The following NOSTRIN variants were observed in gnomAD, a reference collection of about 807,000 sequenced individuals.
NOSTRIN encodes BM247 homolog.
Under a neutral mutation model 59.0 loss-of-function variants are expected in NOSTRIN, and 63 were observed. The ratio of observed to expected loss-of-function variants is 1.07; its 90% CI spans 0.87 to 1.32. The LOEUF is 1.32. Ranked by LOEUF, NOSTRIN falls within the 40% of genes most tolerant of loss-of-function variation. NOSTRIN has a pLI of 0.00. For missense variants in NOSTRIN, 512 were observed against 473.1 expected, an observed-to-expected ratio of 1.08 and a Z score of -0.76; for synonymous variants, 200 against 165.4, an observed-to-expected ratio of 1.21 and a Z score of -1.61.
At chr2:168,811,520 G>T (rs368583308) in intron 1 of NOSTRIN, 47 bp from the exon 2 acceptor site, 5 of 696,742 alleles carry the variant, frequency 7.2e-6, no homozygotes, top group Non-Finnish European at 1.3e-5. Context: ...GGAGTTGCTC[G>T]TAATCTTCCT....
At chr2:168,794,506 C>T (rs1019870897), upstream of NOSTRIN, among the ~76,000 whole-genome samples, 9 of 152,166 alleles carry the variant, frequency 5.9e-5, no homozygotes, top group East Asian at 1.4e-3. Context: ...TGCCCGCCAC[C>T]GCGCCTGGCT....
upstream of NOSTRIN, among the ~76,000 whole-genome samples, chr2:168,802,001 A>G (rs920478208): frequency 6.6e-5 from 10 of 152,102 alleles, no homozygotes; most frequent in Non-Finnish European, 1.3e-4. Context: ...TTATAGTTCT[A>G]TAGGTGTAGG....
intron 1 of NOSTRIN, among the ~76,000 whole-genome samples, chr2:168,809,970 T>G (rs1441007974): frequency 2.0e-5 from 3 of 150,634 alleles, no homozygotes; most frequent in Non-Finnish European, 3.0e-5. Context: ...TTGCTACCAT[T>G]AAAAAAAAAT....
chr2:168,825,397 G>A (rs114259122), intron 3 of NOSTRIN, among the ~76,000 whole-genome samples: 570 of 152,322 alleles, frequency 3.7e-3, no homozygotes, highest in African/African-American at 0.013. Context: ...AACTTGGGAA[G>A]TGGTGTTGTT....
chr2:168,791,383 A>G (rs1054245012), intron 2 of NOSTRIN, among the ~76,000 whole-genome samples: 21 of 152,272 alleles, frequency 1.4e-4, no homozygotes, highest in Admixed American at 9.2e-4. Flanking sequence ...TTCTTAATCC[A>G]GTCTATCATT....
At chr2:168,823,233 G>A (rs1349792274) in intron 2 of NOSTRIN, among the ~76,000 whole-genome samples, 1 of 151,976 alleles carries the variant, frequency 6.6e-6, no homozygotes, top group Non-Finnish European at 1.5e-5. Context: ...AGCCAGGATG[G>A]TCTCGATCTC....
At chr2:168,854,792 C>T (rs1282055084) in intron 10 of NOSTRIN, among the ~76,000 whole-genome samples, 1 of 152,082 alleles carries the variant, frequency 6.6e-6, no homozygotes, top group Admixed American at 6.5e-5. Context: ...CTGTAGCATT[C>T]GTGAATGCAT....
intron 3 of NOSTRIN, among the ~76,000 whole-genome samples, chr2:168,827,895 T>C (rs548405672): frequency 6.6e-6 from 1 of 152,080 alleles, no homozygotes; most frequent in East Asian, 1.9e-4. Context: ...CCTGGCCATT[T>C]CCTCTATTTT....
chr2:168,802,684 C>T lies in NOSTRIN; in HGVS notation c.27+11C>T, dbSNP rs757431028. On this transcript the variant is annotated intron_variant, in intron 1 of 15. Transcript: ENST00000317647. Reference sequence around the variant, plus strand: ...CTGACAGATTGTCCGGTGAGTAGCTCAGTGTGGTTTGTGTGCCTGCGTGTG... The same window carrying T: ...CTGACAGATTGTCCGGTGAGTAGCTTAGTGTGGTTTGTGTGCCTGCGTGTG... 3.5e-6 allele frequency: 3 copies of T among 868,812 alleles called. No homozygotes were observed. In the East Asian group the frequency reaches 7.2e-5, roughly 21 times the overall value. 53.8% of individuals were successfully genotyped at this position (868,812 alleles called of 1,614,324 possible).
chr2:168,861,640 T>C (rs937162242), intron 14 of NOSTRIN, among the ~76,000 whole-genome samples: 2 of 152,194 alleles, frequency 1.3e-5, no homozygotes, highest in African/African-American at 4.8e-5. Context: ...TATACCTGAA[T>C]GGCAAAACTG....
Position 168,851,177 on chromosome 2 carries a change from AC to A in NOSTRIN, c.726del (p.Thr243HisfsTer22). The stretch of plus-strand genomic sequence containing the variant: ...TATTTCTCTTTTTGGCCAAACCCTG[AC>A]CACAGTGAGTAGAGATGATCTCTCC... ...QHISLFGQTL[T>X]TCHTQIHCAI... On this transcript the variant is annotated frameshift_variant, in exon 9 of 16. Transcript: ENST00000317647. LOFTEE classifies it high-confidence loss of function. The A allele has an allele frequency of 1.2e-6, 2 of 1,614,150 alleles. No homozygotes were observed. Among genetic ancestry groups the A allele is most frequent in the Non-Finnish European group, 1.7e-6 (2 of 1,179,980 alleles).
chr2:168,835,130 A>G (rs572298452), intron 7 of NOSTRIN, among the ~76,000 whole-genome samples: 1 of 152,030 alleles, frequency 6.6e-6, no homozygotes, highest in South Asian at 2.1e-4. Flanking sequence ...GCTGGAGGGC[A>G]GTGGTGCAAT....
chr2:168,799,760 AG>A (rs1340708705), upstream of NOSTRIN, among the ~76,000 whole-genome samples: 1 of 152,174 alleles, frequency 6.6e-6, no homozygotes, highest in Non-Finnish European at 1.5e-5. Flanking sequence ...GGAGAGGGAA[AG>A]AAAGACATAT....
chr2:168,824,723 T>C lies in NOSTRIN; in HGVS notation c.197+6T>C. 1.1e-6 allele frequency: 1 copy of C among 872,366 alleles called. No individual in the cohort carries two copies. The highest frequency in any genetic ancestry group is 2.0e-6 in the Non-Finnish European group (1 of 501,328). 54.0% of individuals were successfully genotyped at this position (872,366 alleles called of 1,614,324 possible). A position where few individuals can be genotyped will look rare whatever the true frequency, so the allele number is the denominator to read the frequency against. ...TTACAGAACACGAGAAAAAGGTAAG[T>C]ATTGTGGCAGAGGTAAGGCAAAATC... is the stretch of plus-strand genomic sequence containing the variant. On this transcript the variant is annotated splice_donor_region_variant and intron_variant, in intron 3 of 15. Coordinates refer to ENST00000317647, the MANE Select transcript of NOSTRIN (RefSeq NM_001039724.4).
At chr2:168,856,478 GGGA>G (rs1381483210) in intron 11 of NOSTRIN, 12 of 547,112 alleles carry the variant, frequency 2.2e-5, no homozygotes, top group African/African-American at 1.1e-4. Flanking sequence ...AAGAGGCTGA[GGGA>G]GGAGAATTGT....
At chr2:168,862,126 T>C in intron 15 of NOSTRIN, 77 bp downstream of exon 15, 1 of 1,325,148 alleles carries the variant, frequency 7.5e-7, no homozygotes. Flanking sequence ...TGTCTTAGTG[T>C]GGCAGCCTTA....
chr2:168,840,845 C>T (rs780452268), intron 7 of NOSTRIN, among the ~76,000 whole-genome samples: 5 of 152,092 alleles, frequency 3.3e-5, no homozygotes, highest in Non-Finnish European at 7.3e-5. Context: ...GAGCTATAGT[C>T]AAAACTCAGA....
chr2:168,853,142 T>C (rs1574329941), intron 10 of NOSTRIN, among the ~76,000 whole-genome samples: 1 of 152,180 alleles, frequency 6.6e-6, no homozygotes, highest in Admixed American at 6.5e-5. Flanking sequence ...AAAACTTCAC[T>C]GTGTCAGAAC....
At chr2:168,813,628 T>G (rs1186256174) in intron 2 of NOSTRIN, among the ~76,000 whole-genome samples, 1 of 152,082 alleles carries the variant, frequency 6.6e-6, no homozygotes, top group East Asian at 1.9e-4. Flanking sequence ...ACATATCCAG[T>G]GGGGAAGAAA....
Sources: gnomAD v4.1 joint callset for allele counts (sites outside exome capture counted in the v4.1 genomes callset) on GRCh38, gnomAD v4.1.1 for gene constraint, MANE v1.5 for transcripts, NCBI Gene and HGNC (gene_info 2026-07-23, HGNC 2026-07-21) for gene names.